Variants in PRMT3 observed in about 807,000 individuals in gnomAD.
PRMT3 encodes protein arginine N-methyltransferase 3.
PRMT3 carries 62 observed loss-of-function variants against 71.9 expected under a neutral mutation model. The ratio of observed to expected loss-of-function variants is 0.86; its 90% CI spans 0.70 to 1.07. The LOEUF (loss-of-function observed/expected upper bound fraction) is 1.07, where lower values mean the gene tolerates loss of function less well. PRMT3 is among the 50% of genes least tolerant of loss of function. The pLI is 0.00. For missense variants in PRMT3, 663 were observed against 643.0 expected, an observed-to-expected ratio of 1.03 and a Z score of -0.34; for synonymous variants, 213 against 220.4, an observed-to-expected ratio of 0.97 and a Z score of 0.30.
intron 15 of PRMT3, among the ~76,000 whole-genome samples, chr11:20,503,075 A>G (rs1851496000): frequency 1.5e-5 from 1 of 67,900 alleles, no homozygotes; most frequent in African/African-American, 3.7e-5. Context: ...CAAAATTCAG[A>G]CTTAAAAAAT....
At chr11:20,400,138 A>G (rs1848917314) in intron 7 of PRMT3, among the ~76,000 whole-genome samples, 1 of 152,202 alleles carries the variant, frequency 6.6e-6, no homozygotes, top group African/African-American at 2.4e-5. Flanking sequence ...TTCAAGGTAT[A>G]TTACCACTAG....
chr11:20,424,130 G>T (rs1849489506), intron 9 of PRMT3, among the ~76,000 whole-genome samples: 1 of 148,708 alleles, frequency 6.7e-6, no homozygotes, highest in Non-Finnish European at 1.5e-5. Flanking sequence ...CTTACAGTGA[G>T]CCGAGATCGC....
intron 9 of PRMT3, among the ~76,000 whole-genome samples, chr11:20,409,406 C>T (rs1045466041): frequency 2.6e-5 from 4 of 151,974 alleles, no homozygotes; most frequent in Admixed American, 6.6e-5. Context: ...ATAAATAATA[C>T]GTATATATAA....
intron 15 of PRMT3, among the ~76,000 whole-genome samples, chr11:20,497,635 C>T: frequency 6.6e-6 from 1 of 152,082 alleles, no homozygotes; most frequent in East Asian, 1.9e-4. Flanking sequence ...AGAAAACAAG[C>T]TCAAAAAGAT....
chr11:20,421,169 C>A (rs746658754), intron 9 of PRMT3, among the ~76,000 whole-genome samples: 48 of 152,224 alleles, frequency 3.2e-4, no homozygotes, highest in Middle Eastern at 3.4e-3. Context: ...TCTCGAGTAG[C>A]CGGGACCACA....
At chr11:20,498,308 G>A (rs549954347) in intron 15 of PRMT3, among the ~76,000 whole-genome samples, 48 of 152,244 alleles carry the variant, frequency 3.2e-4, no homozygotes, top group East Asian at 3.1e-3. Context: ...CAATTAACCC[G>A]AAGAAGGATA....
At chr11:20,472,691 T>C (rs79602029) in intron 13 of PRMT3, among the ~76,000 whole-genome samples, 11,548 of 152,262 alleles carry the variant, frequency 0.076, 540 homozygotes, top group East Asian at 0.2. Flanking sequence ...GTTTTGTCTC[T>C]GCCAGGTTTT....
chr11:20,461,771 T>G (rs1850388270), intron 11 of PRMT3, among the ~76,000 whole-genome samples: 1 of 152,214 alleles, frequency 6.6e-6, no homozygotes, highest in African/African-American at 2.4e-5. Flanking sequence ...AATCCCTGTT[T>G]TAATTTTATC....
chr11:20,455,266 G>C (rs1850242826), intron 11 of PRMT3, among the ~76,000 whole-genome samples: 1 of 152,132 alleles, frequency 6.6e-6, no homozygotes, highest in South Asian at 2.1e-4. Flanking sequence ...AAATTGGAAA[G>C]GGAATGCAGA....
chr11:20,476,322 A>C (rs536263735), intron 13 of PRMT3, among the ~76,000 whole-genome samples: 1 of 152,282 alleles, frequency 6.6e-6, no homozygotes, highest in South Asian at 2.1e-4. Flanking sequence ...ATTGCACTCC[A>C]GTCTTGGCAA....
chr11:20,506,721 T>C (rs1470816266), intron 15 of PRMT3, among the ~76,000 whole-genome samples: 1 of 152,230 alleles, frequency 6.6e-6, no homozygotes, highest in Non-Finnish European at 1.5e-5. Flanking sequence ...TGGAGCCTCA[T>C]TGTGTCCATG....
Position 20,408,304 on chromosome 11 carries a change from T to C in PRMT3, c.893+272T>C, listed in dbSNP as rs115433872. Among the ~76,000 whole-genome samples the C allele has an allele frequency of 9.6e-3, 1,463 of 152,072 alleles. 29 individuals are homozygous for C. Among genetic ancestry groups the C allele is most frequent in the African/African-American group, 0.034 (1,412 of 41,520 alleles). ...ATGGCTATAAATATGCCAATTCTAA[T>C]AATATAAAATTAAAAACTATTGATA... On this transcript the variant is annotated intron_variant, in intron 9 of 15. Coordinates refer to ENST00000331079, the MANE Select transcript of PRMT3 (RefSeq NM_005788.4).
At chr11:20,451,976 CA>C (rs1450859391) in intron 10 of PRMT3, among the ~76,000 whole-genome samples, 153 bp from the exon 11 acceptor site, 1 of 151,074 alleles carries the variant, frequency 6.6e-6, no homozygotes, top group South Asian at 2.1e-4. Context: ...TAACTTACTG[CA>C]AAAAAAAGTT....
chr11:20,455,802 T>C (rs1288225865), intron 11 of PRMT3, among the ~76,000 whole-genome samples: 1 of 151,740 alleles, frequency 6.6e-6, no homozygotes, highest in African/African-American at 2.4e-5. Flanking sequence ...TCTCATATAA[T>C]TGAAGAAATG....
intron 7 of PRMT3, among the ~76,000 whole-genome samples, chr11:20,400,394 G>T (rs75373955): frequency 6.6e-6 from 1 of 152,136 alleles, no homozygotes. Flanking sequence ...AGATATGATT[G>T]ATAGAGGGAT....
chr11:20,462,759 A>G (rs1446434255), intron 12 of PRMT3, among the ~76,000 whole-genome samples: 3 of 152,150 alleles, frequency 2.0e-5, no homozygotes, highest in African/African-American at 4.8e-5. Flanking sequence ...GTTCACTAAT[A>G]ACTTTGCAGC....
chr11:20,397,499 T>A (rs1848851223), intron 6 of PRMT3, 78 bp from the exon 7 acceptor site: 1 of 1,464,418 alleles, frequency 6.8e-7, no homozygotes, highest in Non-Finnish European at 9.4e-7. Flanking sequence ...TCCCCTTTCC[T>A]CTTCCTCAAC....
chr11:20,399,139 C>A (rs1848895290), intron 7 of PRMT3, among the ~76,000 whole-genome samples: 1 of 152,108 alleles, frequency 6.6e-6, no homozygotes, highest in Non-Finnish European at 1.5e-5. Flanking sequence ...ATTTTAGATG[C>A]CACCATTACC....
At chr11:20,431,762 A>G (rs1446047819) in intron 10 of PRMT3, among the ~76,000 whole-genome samples, 1 of 152,098 alleles carries the variant, frequency 6.6e-6, no homozygotes, top group Non-Finnish European at 1.5e-5. Flanking sequence ...TCTTAATGTT[A>G]GTTGAATCAA....
Sources: allele counts gnomAD v4.1 joint callset (sites outside exome capture counted in the v4.1 genomes callset), GRCh38; gene constraint gnomAD v4.1.1; transcripts MANE v1.5; gene names NCBI Gene and HGNC (gene_info 2026-07-23, HGNC 2026-07-21).